Variants in SAP30L observed in about 807,000 individuals in gnomAD.
SAP30L encodes histone deacetylase complex subunit SAP30L.
SAP30L carries 10 observed loss-of-function variants against 22.3 expected under a neutral mutation model. The ratio of observed to expected loss-of-function variants is 0.45; its 90% CI spans 0.28 to 0.76. The LOEUF is 0.76. Ranked by LOEUF, SAP30L falls within the 30% of genes least tolerant of loss-of-function variation. The probability of loss-of-function intolerance (pLI) is 0.14; values close to 1 mark genes in which losing one functional copy is unlikely to be tolerated. For missense variants in SAP30L, 206 were observed against 237.9 expected (o/e 0.87, Z 0.88); for synonymous variants, 91 against 94.1 (o/e 0.97, Z 0.19).
chr5:154,446,806 G>A lies in SAP30L; in HGVS notation c.201+1G>A. On this transcript the variant is annotated splice_donor_variant, in intron 1 of 3. Coordinates refer to ENST00000297109, the MANE Select transcript of SAP30L (RefSeq NM_024632.6). LOFTEE classifies it high-confidence loss of function. ...ACTCAAGCTGGACATCGACAAGAGC[G>A]TGAGTCCGCCCCCGCTCGCGTCTGG... 1 of 1,601,322 alleles carries A rather than the reference G, an allele frequency of 6.2e-7. No homozygotes were observed. The highest frequency in any genetic ancestry group is 1.1e-5 in the South Asian group (1 of 90,008).
In SAP30L at chr5:154,446,378, AGCCGACCCCGGG is replaced by A; in HGVS notation, c.-223_-212del. 1 of 391,398 alleles carries A rather than the reference AGCCGACCCCGGG, an allele frequency of 2.6e-6. No individual in the cohort carries two copies. Among genetic ancestry groups the A allele is most frequent in the Non-Finnish European group, 4.5e-6 (1 of 222,454 alleles). The allele number at this position is 391,398 out of a possible 1,614,324, so 24.2% of individuals were successfully genotyped here. On this transcript the variant is annotated 5_prime_UTR_variant, in exon 1 of 4. Transcript: ENST00000297109. ...CCGGCGGGGCCCTGCGAGCCGCGGG[AGCCGACCCCGGG>A]GCCTCGAGCCGGGAGGAAGGGGGCT...
Position 154,459,511 on chromosome 5 carries a change from G to T in SAP30L, c.*3483G>T, listed in dbSNP as rs1183900385. The stretch of plus-strand genomic sequence containing the variant: ...CCCAAAGCATAGCGTTTGCCTTTTG[G>T]AAAGAAACAATGCTAGGACATGGAC... On this transcript the variant is annotated 3_prime_UTR_variant, in exon 4 of 4. Transcript: ENST00000297109. 1.3e-5 allele frequency: 2 copies of T among 152,204 alleles called. No homozygotes were observed. Among genetic ancestry groups the T allele is most frequent in the African/African-American group, 4.8e-5 (2 of 41,440 alleles). 9.4% of individuals were successfully genotyped at this position (152,204 alleles called of 1,614,324 possible).
At position 154,456,020 on chromosome 5, in the gene SAP30L, C is replaced by G; in HGVS notation, c.544C>G (p.Leu182Val). The change falls in exon 4 of 4, where the codon CTT (leucine) becomes GTT (valine). Residue 182 changes from leucine (L) to valine (V), a missense_variant. Leu to Val is a conservative substitution (Grantham distance 32, BLOSUM62 1). Coordinates refer to ENST00000297109, the MANE Select transcript of SAP30L (RefSeq NM_024632.6). ...CCAGAAATCGGAGGGTGGCAAGCAGCTTGAGTGAGGATGAAGCACATCTTA... is the reference window on the plus strand; with the variant it reads ...CCAGAAATCGGAGGGTGGCAAGCAGGTTGAGTGAGGATGAAGCACATCTTA... ...LDQKSEGGKQ[L>V]E is the part of the protein sequence containing the mutation. 1 of 1,613,588 alleles carries G rather than the reference C, an allele frequency of 6.2e-7. No individual in the cohort carries two copies. Among genetic ancestry groups the G allele is most frequent in the Non-Finnish European group, 8.5e-7 (1 of 1,179,812 alleles).
intron 2 of SAP30L, 46 bp from the exon 3 acceptor site, chr5:154,453,356 C>T (rs2113277383): frequency 7.2e-7 from 1 of 1,396,828 alleles, no homozygotes; most frequent in East Asian, 2.3e-5. Context: ...TTGGTGAGTC[C>T]TGGGTGGTCA....
chr5:154,452,518 T>C (rs1757165697), intron 2 of SAP30L: 2 of 981,036 alleles, frequency 2.0e-6, no homozygotes, highest in Non-Finnish European at 2.4e-6. Flanking sequence ...AGCCCAACTT[T>C]ATGGGCCTTC....
rs1582045640 is a variant in SAP30L, at chr5:154,456,108, T to C, written c.*80T>C. 7.1e-7 allele frequency: 1 copy of C among 1,413,636 alleles called. No homozygotes were observed. The highest frequency in any genetic ancestry group is 2.4e-5 in the East Asian group (1 of 42,156). The allele number at this position is 1,413,636 out of a possible 1,614,324, so 87.6% of individuals were successfully genotyped here. On this transcript the variant is annotated 3_prime_UTR_variant, in exon 4 of 4. Transcript: ENST00000297109. ...CTACTACATTTAAGCCCATAAAGAC[T>C]GTTAAATATTATTGTAAATAAAAAA...
chr5:154,446,031 G>C lies in SAP30L; in HGVS notation c.-574G>C, dbSNP rs529909925. 2.6e-4 allele frequency: 39 copies of C among 152,280 alleles called. No individual in the cohort carries two copies. The East Asian group carries it at 6.4e-3, about 25-fold the overall frequency. 9.4% of individuals were successfully genotyped at this position (152,280 alleles called of 1,614,324 possible). ...AGCGTTCGGCGGGCGGCGGCCGGGC[G>C]GCCCAGGGGCTGCCGCGGGACTCGG... On this transcript the variant is annotated 5_prime_UTR_variant, in exon 1 of 4. Transcript: ENST00000297109.
chr5:154,447,818 G>T (rs979945098), intron 1 of SAP30L, among the ~76,000 whole-genome samples: 5 of 151,574 alleles, frequency 3.3e-5, no homozygotes, highest in Non-Finnish European at 4.4e-5. Flanking sequence ...AGGAAGTGAG[G>T]GTGTCAGGTA....
At chr5:154,447,896 A>T (rs994572575) in intron 1 of SAP30L, among the ~76,000 whole-genome samples, 4 of 151,538 alleles carry the variant, frequency 2.6e-5, no homozygotes, top group African/African-American at 2.4e-5. Flanking sequence ...AGCCCTATAC[A>T]TAAGTCTTCA....
intron 2 of SAP30L, chr5:154,452,520 T>C (rs1757165808): frequency 7.1e-6 from 7 of 980,924 alleles, no homozygotes; most frequent in Non-Finnish European, 8.5e-6. Context: ...CCCAACTTTA[T>C]GGGCCTTCAA....
intron 2 of SAP30L, 76 bp downstream of exon 2, chr5:154,451,289 C>T: frequency 6.7e-7 from 1 of 1,485,606 alleles, no homozygotes; most frequent in Admixed American, 2.2e-5. Context: ...GCCTGGTCTG[C>T]TTTTTGTGTT....
At position 154,446,035 on chromosome 5, in the gene SAP30L, C is replaced by A. The variant is rs1254346057; in HGVS notation, c.-570C>A. 6.6e-6 allele frequency: 1 copy of A among 152,294 alleles called. No individual in the cohort carries two copies. The highest frequency in any genetic ancestry group is 1.5e-5 in the Non-Finnish European group (1 of 68,376). 9.4% of individuals were successfully genotyped at this position (152,294 alleles called of 1,614,324 possible). Reference sequence around the variant, plus strand: ...TTCGGCGGGCGGCGGCCGGGCGGCCCAGGGGCTGCCGCGGGACTCGGGGCG... The same window carrying A: ...TTCGGCGGGCGGCGGCCGGGCGGCCAAGGGGCTGCCGCGGGACTCGGGGCG... On this transcript the variant is annotated 5_prime_UTR_variant, in exon 1 of 4. Transcript: ENST00000297109.
At chr5:154,455,569 T>G (rs186982251) in intron 3 of SAP30L, among the ~76,000 whole-genome samples, 24 of 152,366 alleles carry the variant, frequency 1.6e-4, no homozygotes, top group Non-Finnish European at 3.1e-4. Context: ...TGGTAGCAGC[T>G]GGCCAACCAG....
chr5:154,447,708 A>T (rs1421792827), intron 1 of SAP30L, among the ~76,000 whole-genome samples: 1 of 152,222 alleles, frequency 6.6e-6, no homozygotes, highest in Admixed American at 6.5e-5. Context: ...TTCTAGAATC[A>T]GAATTTCTCC....
rs115464831 is a variant in SAP30L at position 154,452,760 on chromosome 5, C to T, written c.325-642C>T. 3.1e-3 allele frequency among the ~76,000 whole-genome samples: 418 copies of T among 133,354 alleles called. 3 individuals are homozygous for T. The highest frequency in any genetic ancestry group is 0.011 in the African/African-American group (387 of 36,628). The allele number at this position is 133,354 out of a possible 152,430, so 87.5% of individuals were successfully genotyped here. ...AGGATAACAGCCCTCCTTTGTGCTC[C>T]TCTATCCGGTCGCTGCCTCGTTCTG... On this transcript the variant is annotated intron_variant, in intron 2 of 3. Transcript: ENST00000297109.
chr5:154,448,020 G>A (rs1286555263), intron 1 of SAP30L, among the ~76,000 whole-genome samples: 1 of 129,698 alleles, frequency 7.7e-6, no homozygotes, highest in Admixed American at 9.5e-5. Context: ...CTGTCACCCA[G>A]GCTGGAGTGC....
At chr5:154,450,255 C>A (rs1288776992) in intron 1 of SAP30L, among the ~76,000 whole-genome samples, 2 of 152,258 alleles carry the variant, frequency 1.3e-5, no homozygotes, top group African/African-American at 4.8e-5. Flanking sequence ...ATTAGAAAAT[C>A]TGTAGTATCC....
Position 154,446,513 on chromosome 5 carries a change from C to CG in SAP30L, c.-87dup. ...AGACGGACTCTGGGACCCTCGGCTG[C>CG]GGGGGTCTCAGCGACCTGCCCCGCG... On this transcript the variant is annotated 5_prime_UTR_variant, in exon 1 of 4. Transcript: ENST00000297109. The CG allele has an allele frequency of 2.8e-6, 3 of 1,084,204 alleles. No homozygotes were observed. The highest frequency in any genetic ancestry group is 3.2e-5 in the East Asian group (1 of 31,064). 67.2% of individuals were successfully genotyped at this position (1,084,204 alleles called of 1,614,324 possible).
At chr5:154,446,850 C>G in intron 1 of SAP30L, 45 bp downstream of exon 1, 1 of 1,521,852 alleles carries the variant, frequency 6.6e-7, no homozygotes, top group Non-Finnish European at 9.0e-7. Flanking sequence ...GCCCCCAGCT[C>G]TCCGTCCGCT....
Sources: allele counts gnomAD v4.1 joint callset (sites outside exome capture counted in the v4.1 genomes callset), GRCh38; gene constraint gnomAD v4.1.1; transcripts MANE v1.5; gene names NCBI Gene and HGNC (gene_info 2026-07-23, HGNC 2026-07-21).